Variants in TTC27 observed in about 807,000 individuals in gnomAD.
TTC27 encodes the protein tetratricopeptide repeat domain 27, also known as tetratricopeptide repeat protein 27.
Under a neutral mutation model 115.9 loss-of-function variants are expected in TTC27, and 79 were observed. That is an observed-to-expected ratio of 0.68 (90% CI 0.57 to 0.82). TTC27 has a LOEUF of 0.82. TTC27 is among the 40% of genes least tolerant of loss of function. The pLI, the probability that TTC27 is intolerant of heterozygous loss-of-function variation, is 0.00. For missense variants in TTC27, 1,054 were observed against 993.1 expected, an observed-to-expected ratio of 1.06 and a Z score of -0.82; for synonymous variants, 401 against 356.0, an observed-to-expected ratio of 1.13 and a Z score of -1.42.
intron 19 of TTC27, among the ~76,000 whole-genome samples, chr2:32,818,539 T>A (rs1246030324): frequency 6.6e-6 from 1 of 152,234 alleles, no homozygotes; most frequent in Non-Finnish European, 1.5e-5. Flanking sequence ...GGGCTCTATC[T>A]GTGACCGATG....
intron 9 of TTC27, among the ~76,000 whole-genome samples, chr2:32,682,630 T>C (rs1371732419): frequency 6.6e-6 from 1 of 151,930 alleles, no homozygotes; most frequent in Non-Finnish European, 1.5e-5. Context: ...CTACAAGATG[T>C]CTTCCTCTGT....
intron 9 of TTC27, among the ~76,000 whole-genome samples, chr2:32,689,063 A>G (rs1437776859): frequency 1.3e-5 from 2 of 152,158 alleles, no homozygotes; most frequent in Non-Finnish European, 2.9e-5. Flanking sequence ...ATGCAACAGC[A>G]TGGATGAATC....
intron 9 of TTC27, among the ~76,000 whole-genome samples, chr2:32,687,427 G>C (rs542065373): frequency 6.6e-6 from 1 of 152,064 alleles, no homozygotes; most frequent in African/African-American, 2.4e-5. Context: ...CAACAAAAAA[G>C]GGTAAAATGG....
At chr2:32,792,936 T>G (rs1339452605) in intron 16 of TTC27, among the ~76,000 whole-genome samples, 1 of 152,224 alleles carries the variant, frequency 6.6e-6, no homozygotes, top group African/African-American at 2.4e-5. Context: ...AGGCCAGTGT[T>G]AGTTTCCCAG....
intron 16 of TTC27, among the ~76,000 whole-genome samples, chr2:32,789,913 CCT>C (rs1670473154): frequency 9.1e-6 from 1 of 110,366 alleles, no homozygotes; most frequent in African/African-American, 3.6e-5. Flanking sequence ...AGAGCAAGAC[CCT>C]GTCTCCAAAA....
intron 13 of TTC27, among the ~76,000 whole-genome samples, chr2:32,769,057 G>A (rs934347973): frequency 6.6e-6 from 1 of 152,152 alleles, no homozygotes; most frequent in Non-Finnish European, 1.5e-5. Context: ...TGCAGATGGG[G>A]CTTTTCTGTG....
chr2:32,638,599 G>C (rs1198708030), intron 3 of TTC27, among the ~76,000 whole-genome samples: 1 of 152,032 alleles, frequency 6.6e-6, no homozygotes, highest in Admixed American at 6.6e-5. Context: ...GGCTGTTCTC[G>C]AACTCCTGAC....
chr2:32,653,246 G>C (rs1665195590), intron 5 of TTC27, among the ~76,000 whole-genome samples: 1 of 152,142 alleles, frequency 6.6e-6, no homozygotes, highest in African/African-American at 2.4e-5. Flanking sequence ...GTCCTGCTGT[G>C]ACATTTCAGG....
intron 9 of TTC27, among the ~76,000 whole-genome samples, chr2:32,682,668 CTTT>C (rs3077159): frequency 7.8e-6 from 1 of 127,530 alleles, no homozygotes. Flanking sequence ...TAATAGAAGT[CTTT>C]TTTTTTTTTT....
At chr2:32,661,703 T>C (rs1665554831) in intron 5 of TTC27, among the ~76,000 whole-genome samples, 1 of 152,196 alleles carries the variant, frequency 6.6e-6, no homozygotes, top group Non-Finnish European at 1.5e-5. Context: ...TACGATAATG[T>C]CATGTGCAAA....
chr2:32,812,676 A>G (rs1290339629), intron 18 of TTC27, 61 bp downstream of exon 18: 1 of 1,261,984 alleles, frequency 7.9e-7, no homozygotes, highest in East Asian at 2.3e-5. Flanking sequence ...CTGACAGAAA[A>G]GAGTGTTGGT....
At chr2:32,785,399 C>T (rs1670313161) in intron 15 of TTC27, among the ~76,000 whole-genome samples, 1 of 151,964 alleles carries the variant, frequency 6.6e-6, no homozygotes, top group Non-Finnish European at 1.5e-5. Context: ...ATAAAGAATC[C>T]TGCCATGCTC....
chr2:32,690,991 G>A (rs994540730), intron 9 of TTC27, among the ~76,000 whole-genome samples: 2 of 152,172 alleles, frequency 1.3e-5, no homozygotes, highest in African/African-American at 4.8e-5. Flanking sequence ...AGCTGGCTTT[G>A]ATTTATGTAT....
intron 14 of TTC27, among the ~76,000 whole-genome samples, chr2:32,781,373 A>G (rs535439139): frequency 1.0e-3 from 158 of 152,088 alleles, no homozygotes; most frequent in African/African-American, 3.7e-3. Context: ...TTATTAACTG[A>G]TATTTTTTCC....
Position 32,733,728 on chromosome 2 carries a change from TTTG to T in TTC27, c.1234-94_1234-92del, listed in dbSNP as rs1035199711. On this transcript the variant is annotated intron_variant, in intron 10 of 19. Transcript: ENST00000317907. The stretch of plus-strand genomic sequence containing the variant: ...CACCTTATCAAAATGACTTAAGTTC[TTTG>T]TTGTTTATATGTGCATTTGTATAAC... 3 of 638,016 alleles carry T rather than the reference TTTG, an allele frequency of 4.7e-6. No homozygotes were observed. In the African/African-American group the frequency reaches 5.7e-5, roughly 12 times the overall value. 39.5% of individuals were successfully genotyped at this position (638,016 alleles called of 1,614,324 possible).
intron 15 of TTC27, among the ~76,000 whole-genome samples, chr2:32,784,892 G>A (rs557943386): frequency 1.3e-4 from 20 of 152,200 alleles, no homozygotes; most frequent in Middle Eastern, 3.4e-3. Context: ...TGATGTGGTA[G>A]AGTAGAGAAA....
chr2:32,636,102 T>C (rs1447855549), intron 3 of TTC27, among the ~76,000 whole-genome samples: 3 of 152,198 alleles, frequency 2.0e-5, no homozygotes, highest in Non-Finnish European at 4.4e-5. Flanking sequence ...TATGTATGAA[T>C]CAGTTTCTGG....
chr2:32,790,117 C>G (rs1197217171), intron 16 of TTC27, among the ~76,000 whole-genome samples: 1 of 151,430 alleles, frequency 6.6e-6, no homozygotes, highest in Admixed American at 6.6e-5. Flanking sequence ...TAGATTTTTT[C>G]AAACATATTT....
chr2:32,749,724 G>T (rs1484539351), intron 12 of TTC27, among the ~76,000 whole-genome samples: 1 of 152,114 alleles, frequency 6.6e-6, no homozygotes. Context: ...TGGGTTTTGG[G>T]TGGCCAATTG....
Sources: allele counts gnomAD v4.1 joint callset (sites outside exome capture counted in the v4.1 genomes callset), GRCh38; gene constraint gnomAD v4.1.1; transcripts MANE v1.5; gene names NCBI Gene and HGNC (gene_info 2026-07-23, HGNC 2026-07-21).